The following SCTR variants were observed in gnomAD, a reference collection of about 807,000 sequenced individuals.
SCTR encodes the protein pancreatic secretin receptor.
SCTR carries 56 observed loss-of-function variants against 60.8 expected under a neutral mutation model. The ratio of observed to expected loss-of-function variants is 0.92; its 90% CI spans 0.74 to 1.15. SCTR has a LOEUF of 1.15. Among genes scored for constraint, SCTR ranks in the 50% most tolerant of loss-of-function variants. The pLI is 0.00. For missense variants in SCTR, 562 were observed against 550.4 expected (o/e 1.02, Z -0.21); for synonymous variants, 202 against 217.0 (o/e 0.93, Z 0.61).
At chr2:119,454,442 C>T (rs1025202367) in intron 7 of SCTR, among the ~76,000 whole-genome samples, 1 of 152,032 alleles carries the variant, frequency 6.6e-6, no homozygotes, top group Non-Finnish European at 1.5e-5. Flanking sequence ...AATGGAGTGA[C>T]AGTCTACACC....
chr2:119,446,315 G>T (rs1370197082), intron 11 of SCTR, among the ~76,000 whole-genome samples: 2 of 152,102 alleles, frequency 1.3e-5, no homozygotes, highest in Non-Finnish European at 2.9e-5. Flanking sequence ...GCCACTTGAG[G>T]AGTTTTCAGT....
intron 1 of SCTR, among the ~76,000 whole-genome samples, chr2:119,513,914 T>C (rs78862002): frequency 0.014 from 2,189 of 152,324 alleles, 58 homozygotes; most frequent in East Asian, 0.071. Context: ...TAGTATCCCA[T>C]AATTTTACAT....
chr2:119,459,350 A>G (rs554873172), intron 7 of SCTR, among the ~76,000 whole-genome samples: 5 of 152,330 alleles, frequency 3.3e-5, no homozygotes, highest in African/African-American at 1.2e-4. Flanking sequence ...CTGCAAGTAG[A>G]AAAAAAGGTT....
At chr2:119,460,391 G>A (rs1683553694) in intron 7 of SCTR, among the ~76,000 whole-genome samples, 1 of 151,914 alleles carries the variant, frequency 6.6e-6, no homozygotes, top group Non-Finnish European at 1.5e-5. Context: ...TGAATGGATA[G>A]AGGAATGGAT....
chr2:119,485,554 C>G (rs1677826159), intron 2 of SCTR, among the ~76,000 whole-genome samples: 2 of 152,238 alleles, frequency 1.3e-5, no homozygotes, highest in African/African-American at 4.8e-5. Flanking sequence ...GGGACTATTT[C>G]TGGAGCAATG....
At chr2:119,506,559 G>A (rs74837404) in intron 1 of SCTR, among the ~76,000 whole-genome samples, 1,750 of 151,990 alleles carry the variant, frequency 0.012, 32 homozygotes, top group African/African-American at 0.039. Flanking sequence ...ATAGTTCACC[G>A]CAGCCTTGAA....
At chr2:119,454,562 C>A (rs72833272) in intron 7 of SCTR, among the ~76,000 whole-genome samples, 196 of 152,200 alleles carry the variant, frequency 1.3e-3, no homozygotes, top group Admixed American at 6.7e-3. Context: ...AATAAAAGGA[C>A]GTAAAACATG....
chr2:119,467,413 A>C (rs1683884804), intron 4 of SCTR, among the ~76,000 whole-genome samples: 1 of 152,166 alleles, frequency 6.6e-6, no homozygotes, highest in Non-Finnish European at 1.5e-5. Context: ...TTAGGTCCAA[A>C]AAATAAAGTA....
At chr2:119,500,144 G>A (rs1375493004) in intron 1 of SCTR, among the ~76,000 whole-genome samples, 1 of 152,050 alleles carries the variant, frequency 6.6e-6, no homozygotes, top group Non-Finnish European at 1.5e-5. Context: ...AAACCACAAT[G>A]AGACAGTATT....
chr2:119,448,578 A>G (rs1683020456), intron 10 of SCTR, 111 bp downstream of exon 10: 3 of 680,134 alleles, frequency 4.4e-6, no homozygotes. Context: ...TCTTACGACT[A>G]GGTCTACAAC....
chr2:119,489,478 C>T (rs755784916), intron 2 of SCTR, among the ~76,000 whole-genome samples: 9 of 152,180 alleles, frequency 5.9e-5, no homozygotes, highest in East Asian at 1.9e-4. Flanking sequence ...AGAAAGAAGG[C>T]GACACTGTAG....
chr2:119,478,936 A>G lies in SCTR; in HGVS notation c.194-18T>C, dbSNP rs1375047163. ...CTCACAACCTGCCAAGAAAAGCAGC[A>G]TCAGACAAGGATGGGGGATGGACCG... On this transcript the variant is annotated intron_variant, in intron 2 of 12. Transcript: ENST00000019103. 4.3e-6 allele frequency: 7 copies of G among 1,614,026 alleles called. No homozygotes were observed. Among genetic ancestry groups the G allele is most frequent in the Admixed American group, 1.7e-5 (1 of 60,014 alleles).
intron 11 of SCTR, among the ~76,000 whole-genome samples, chr2:119,444,095 T>C (rs1321843080): frequency 7.3e-6 from 1 of 136,230 alleles, no homozygotes; most frequent in Non-Finnish European, 1.5e-5. Flanking sequence ...TTCACTTTTG[T>C]ATATGAAAAA....
At chr2:119,500,995 AAT>A (rs1231094919) in intron 1 of SCTR, among the ~76,000 whole-genome samples, 2 of 152,190 alleles carry the variant, frequency 1.3e-5, no homozygotes, top group African/African-American at 4.8e-5. Context: ...GAACCCCCAA[AAT>A]ATATATATCT....
intron 1 of SCTR, among the ~76,000 whole-genome samples, chr2:119,519,720 C>T (rs548348646): frequency 2.7e-5 from 4 of 146,018 alleles, no homozygotes; most frequent in South Asian, 4.4e-4. Flanking sequence ...GCAGGAGAAT[C>T]GCTTGAACCT....
At chr2:119,473,647 C>T (rs774556892) in intron 3 of SCTR, 91 bp from the exon 4 acceptor site, 2 of 829,960 alleles carry the variant, frequency 2.4e-6, no homozygotes, top group African/African-American at 1.7e-5. Context: ...GCTGCTACAA[C>T]CACTCTATAG....
chr2:119,515,851 G>C (rs1221451390), intron 1 of SCTR, among the ~76,000 whole-genome samples: 1 of 152,196 alleles, frequency 6.6e-6, no homozygotes. Flanking sequence ...GTATTTCCTA[G>C]TGTCTCAGTG....
intron 4 of SCTR, 28 bp from the exon 5 acceptor site, chr2:119,465,914 G>T (rs747476091): frequency 6.5e-7 from 1 of 1,539,024 alleles, no homozygotes; most frequent in Non-Finnish European, 9.0e-7. Flanking sequence ...TGTCAGCCCC[G>T]CCGGCCCTCC....
chr2:119,447,402 T>C (rs931029331), intron 10 of SCTR, among the ~76,000 whole-genome samples: 5 of 152,164 alleles, frequency 3.3e-5, no homozygotes, highest in Non-Finnish European at 7.3e-5. Flanking sequence ...AACGATTTGT[T>C]GTTTATCCAA....
Sources: allele counts gnomAD v4.1 joint callset (sites outside exome capture counted in the v4.1 genomes callset), GRCh38; gene constraint gnomAD v4.1.1; transcripts MANE v1.5; gene names NCBI Gene and HGNC (gene_info 2026-07-23, HGNC 2026-07-21).